The following ALDH4A1 variants were observed in gnomAD, a reference collection of about 807,000 sequenced individuals.
ALDH4A1 encodes delta-1-pyrroline-5-carboxylate dehydrogenase, mitochondrial.
Under a neutral mutation model 70.5 loss-of-function variants are expected in ALDH4A1, and 46 were observed. The ratio of observed to expected loss-of-function variants is 0.65; its 90% confidence interval spans 0.51 to 0.83. The LOEUF (loss-of-function observed/expected upper bound fraction) is 0.83, where lower values mean the gene tolerates loss of function less well. ALDH4A1 is among the 40% of genes least tolerant of loss of function. ALDH4A1 has a pLI of 0.00. For missense variants in ALDH4A1, 749 were observed against 766.5 expected (o/e 0.98, Z 0.27); for synonymous variants, 323 against 324.3 (o/e 1.00, Z 0.04).
intron 9 of ALDH4A1, 64 bp downstream of exon 9, chr1:18,879,236 T>G: frequency 6.7e-7 from 1 of 1,483,330 alleles, no homozygotes; most frequent in Non-Finnish European, 9.2e-7. Context: ...TCCCTCCTCT[T>G]TCATAATGGC....
chr1:18,881,232 T>G (rs1484493908), intron 8 of ALDH4A1, among the ~76,000 whole-genome samples: 1 of 152,124 alleles, frequency 6.6e-6, no homozygotes, highest in African/African-American at 2.4e-5. Context: ...GTTTTTGGCT[T>G]GGCAACATTG....
At chr1:18,886,545 G>T (rs772518011) in intron 3 of ALDH4A1, 34 bp from the exon 4 acceptor site, 1 of 1,610,916 alleles carries the variant, frequency 6.2e-7, no homozygotes, top group East Asian at 2.2e-5. Context: ...CCTTGCCCGG[G>T]AGGGAGGTGC....
chr1:18,881,592 G>C lies in ALDH4A1; in HGVS notation c.866+108C>G. Reference sequence around the variant, plus strand: ...TAGCCACACAGCAAGTAAGGGAGTAGAGTCCGTGCATGACCCCTGGGTTCA... The same window carrying C: ...TAGCCACACAGCAAGTAAGGGAGTACAGTCCGTGCATGACCCCTGGGTTCA... On this transcript the variant is annotated intron_variant, in intron 8 of 14. Coordinates refer to ENST00000375341, the MANE Select transcript of ALDH4A1 (RefSeq NM_003748.4). The C allele has an allele frequency of 3.3e-6, 4 of 1,215,290 alleles. No individual in the cohort carries two copies. The Admixed American group carries it at 5.3e-5, about 16-fold the overall frequency. The allele number at this position is 1,215,290 out of a possible 1,614,324, so 75.3% of individuals were successfully genotyped here. A position where few individuals can be genotyped will look rare whatever the true frequency, so the allele number is the denominator to read the frequency against.
rs564893288 is a variant in ALDH4A1, at chr1:18,896,990, C to T, written c.62+5472G>A. ...GCAACATTTGTCAAGCACTTGCCAC[C>T]ACATGCCAAGCATTAACCTAAGTGA... On this transcript the variant is annotated intron_variant, in intron 1 of 14. Coordinates refer to ENST00000375341, the MANE Select transcript of ALDH4A1 (RefSeq NM_003748.4). 10 of 481,716 alleles carry T rather than the reference C, an allele frequency of 2.1e-5. 1 individual carries two copies. Among genetic ancestry groups the T allele is most frequent in the East Asian group, 1.9e-4 (3 of 15,470 alleles). 29.8% of individuals were successfully genotyped at this position (481,716 alleles called of 1,614,324 possible).
At chr1:18,883,988 G>T (rs889918675) in intron 5 of ALDH4A1, among the ~76,000 whole-genome samples, 1 of 152,216 alleles carries the variant, frequency 6.6e-6, no homozygotes, top group African/African-American at 2.4e-5. Flanking sequence ...AATGTGAGCT[G>T]CAGGGAAAAG....
intron 2 of ALDH4A1, 84 bp from the exon 3 acceptor site, chr1:18,889,538 G>T: frequency 8.0e-7 from 1 of 1,257,268 alleles, no homozygotes; most frequent in Non-Finnish European, 1.1e-6. Flanking sequence ...TCCACAGACG[G>T]AGGTGCCCAG....
intron 1 of ALDH4A1, among the ~76,000 whole-genome samples, chr1:18,896,709 A>G (rs1450839295): frequency 6.6e-6 from 1 of 152,150 alleles, no homozygotes; most frequent in Non-Finnish European, 1.5e-5. Flanking sequence ...CCTGGCCAAC[A>G]TGGTGAAACC....
rs761885144 is a variant in ALDH4A1 at position 18,879,283 on chromosome 1, G to T, written c.940+17C>A. 14 of 1,599,654 alleles carry T rather than the reference G, an allele frequency of 8.8e-6. No individual in the cohort carries two copies. In the South Asian group the frequency reaches 1.6e-4, roughly 18 times the overall value. ...TCCCTGGGGCCACACGGGAGGAGGA[G>T]GTGAGGCAGGCCTTACCTCCAGCCA... On this transcript the variant is annotated intron_variant, in intron 9 of 14. Coordinates refer to ENST00000375341, the MANE Select transcript of ALDH4A1 (RefSeq NM_003748.4).
chr1:18,886,407 G>C, intron 4 of ALDH4A1, 57 bp downstream of exon 4: 1 of 1,581,046 alleles, frequency 6.3e-7, no homozygotes, highest in African/African-American at 1.3e-5. Context: ...CAGCTGGCAG[G>C]GCAGAGCAGG....
intron 7 of ALDH4A1, chr1:18,882,478 C>T (rs145066757): frequency 3.7e-4 from 183 of 490,270 alleles, no homozygotes; most frequent in African/African-American, 3.0e-3. Flanking sequence ...GGACTTCATC[C>T]AGTAATAGCC....
chr1:18,885,431 A>ACCCCCACCCCCCCCC, intron 5 of ALDH4A1, 42 bp downstream of exon 5: 5 of 478,978 alleles, frequency 1.0e-5, no homozygotes, highest in East Asian at 4.3e-5. Flanking sequence ...CCTGACTCCC[A>ACCCCCACCCCCCCCC]CCCCACCCCG....
At chr1:18,889,550 C>T in intron 2 of ALDH4A1, 96 bp from the exon 3 acceptor site, 1 of 1,159,816 alleles carries the variant, frequency 8.6e-7, no homozygotes, top group Non-Finnish European at 1.3e-6. Context: ...GGTGCCCAGG[C>T]AATACAGAAA....
intron 3 of ALDH4A1, among the ~76,000 whole-genome samples, chr1:18,886,790 C>T (rs1269313839): frequency 1.3e-5 from 2 of 152,188 alleles, no homozygotes. Context: ...TCCAGGAAAG[C>T]ACGGACCTTT....
chr1:18,902,291 G>A (rs185686083), intron 1 of ALDH4A1, among the ~76,000 whole-genome samples, 171 bp downstream of exon 1: 24 of 152,324 alleles, frequency 1.6e-4, no homozygotes, highest in Non-Finnish European at 3.2e-4. Flanking sequence ...ATCTCAGTGG[G>A]AGAAAGGCCT....
At chr1:18,891,295 T>C (rs1178171294) in intron 1 of ALDH4A1, among the ~76,000 whole-genome samples, 4 of 152,204 alleles carry the variant, frequency 2.6e-5, no homozygotes, top group Non-Finnish European at 5.9e-5. Flanking sequence ...TACCGTGGCA[T>C]AGGACGGGCC....
chr1:18,876,386 C>T lies in ALDH4A1; in HGVS notation c.1267G>A (p.Asp423Asn). 6.2e-7 allele frequency: 1 copy of T among 1,613,756 alleles called. No individual in the cohort carries two copies. The highest frequency in any genetic ancestry group is 8.5e-7 in the Non-Finnish European group (1 of 1,179,918). The change falls in exon 12 of 15, where the codon GAC becomes AAC. Residue 423 changes from aspartate (D) to asparagine (N), a missense_variant. Coordinates refer to ENST00000375341, the MANE Select transcript of ALDH4A1 (RefSeq NM_003748.4). ...LTILAGGKCD[D>N]SVGYFVEPCI... ...GGCTCCACAAAGTAGCCCACGGAGT[C>T]ATCACACTTGCCCCCGGCCAGGATG...
chr1:18,896,949 G>A, intron 1 of ALDH4A1: 1 of 416,792 alleles, frequency 2.4e-6, no homozygotes, highest in Non-Finnish European at 5.0e-6. Flanking sequence ...TTCAGCCACT[G>A]CCCAGCAAAC....
rs763092915 is a variant in ALDH4A1, at chr1:18,890,032, C to T, written c.136G>A (p.Glu46Lys). The change falls in exon 2 of 15, where the codon GAG becomes AAG. Residue 46 changes from glutamate to lysine, a missense_variant. Physicochemically the swap from Glu to Lys is moderately conservative, Grantham distance 56. Transcript: ENST00000375341. Reference sequence around the variant, plus strand: ...ATTACCTTTTGCAGGGCATCTCGCTCAGGGCTGCCCTGCGTGAAGGCTAAG... The same window carrying T: ...ATTACCTTTTGCAGGGCATCTCGCTTAGGGCTGCCCTGCGTGAAGGCTAAG... ...PVLAFTQGSP[E>K]RDALQKALKD... is the part of the protein sequence containing the mutation. 1.2e-6 allele frequency: 2 copies of T among 1,611,608 alleles called. No individual in the cohort carries two copies. The highest frequency in any genetic ancestry group is 1.7e-6 in the Non-Finnish European group (2 of 1,179,132).
intron 4 of ALDH4A1, 62 bp from the exon 5 acceptor site, chr1:18,885,690 G>T (rs1328330499): frequency 1.8e-5 from 29 of 1,608,918 alleles, no homozygotes; most frequent in Non-Finnish European, 2.5e-5. Context: ...TGGGGAGTGA[G>T]CGAGGGAGGA....
Sources: gnomAD v4.1 joint callset for allele counts (sites outside exome capture counted in the v4.1 genomes callset) on GRCh38, gnomAD v4.1.1 for gene constraint, MANE v1.5 for transcripts, NCBI Gene and HGNC (gene_info 2026-07-23, HGNC 2026-07-21) for gene names.